FOXP1: variants seen among roughly 807,000 people sequenced by gnomAD.
FOXP1 encodes forkhead box protein P1.
Under a neutral mutation model 98.2 loss-of-function variants are expected in FOXP1, and 15 were observed. That is an observed-to-expected ratio of 0.15 (90% CI 0.10 to 0.24). The LOEUF is 0.24. FOXP1 is among the 10% of genes least tolerant of loss of function. The probability of loss-of-function intolerance (pLI) is 1.00; values close to 1 mark genes in which losing one functional copy is unlikely to be tolerated. For synonymous variants in FOXP1, 371 were observed against 314.5 expected (o/e 1.18, Z -1.90); for missense variants, 633 against 848.5 (o/e 0.75, Z 3.15).
intron 1 of FOXP1, 170 bp from the exon 2 acceptor site, chr3:71,581,867 G>C (rs1002883037): frequency 1.0e-6 from 1 of 985,616 alleles, no homozygotes; most frequent in Non-Finnish European, 1.2e-6. Context: ...GCGGCTCAGG[G>C]AATCCCTGCA....
chr3:71,505,716 C>T (rs1284587838), intron 2 of FOXP1, among the ~76,000 whole-genome samples: 2 of 152,086 alleles, frequency 1.3e-5, no homozygotes, highest in Admixed American at 6.5e-5. Flanking sequence ...TGAGCCACTG[C>T]GCCCAGCCCT....
chr3:71,046,851 A>AC, intron 10 of FOXP1, 91 bp downstream of exon 10: 1 of 1,404,654 alleles, frequency 7.1e-7, no homozygotes, highest in Non-Finnish European at 1.0e-6. Context: ...GTTTTGATGG[A>AC]CAATGTCCTT....
chr3:71,234,086 GGA>G (rs2066569768), intron 5 of FOXP1, among the ~76,000 whole-genome samples: 1 of 151,954 alleles, frequency 6.6e-6, no homozygotes, highest in African/African-American at 2.4e-5. Flanking sequence ...GCCCATTTGG[GGA>G]GATGGAGGCA....
chr3:71,328,306 A>G (rs946934773), intron 4 of FOXP1, among the ~76,000 whole-genome samples: 2 of 152,168 alleles, frequency 1.3e-5, no homozygotes, highest in Non-Finnish European at 2.9e-5. Context: ...TAAAAAAAAG[A>G]AGAATTTGGC....
At chr3:71,227,153 T>C (rs2065907238) in intron 5 of FOXP1, among the ~76,000 whole-genome samples, 1 of 152,140 alleles carries the variant, frequency 6.6e-6, no homozygotes, top group Non-Finnish European at 1.5e-5. Flanking sequence ...CCTGCTCTTG[T>C]CTAAGTCTGC....
rs965860487 is a variant in FOXP1 at position 70,965,373 on chromosome 3, TATTA to T, written c.1889+513_1889+516del. Among the ~76,000 whole-genome samples, 9 of 152,240 alleles carry T rather than the reference TATTA, an allele frequency of 5.9e-5. No individual in the cohort carries two copies. In the South Asian group the frequency reaches 1.2e-3, roughly 21 times the overall value. On this transcript the variant is annotated intron_variant, in intron 20 of 20. Coordinates refer to ENST00000649528, the MANE Select transcript of FOXP1 (RefSeq NM_001349338.3). ...CTGCCGTCTGCTGCTATAATGCTCC[TATTA>T]ATTTTCCTTTTGATATTTTAAGAGC...
chr3:71,222,457 C>T (rs1346101092), intron 5 of FOXP1, among the ~76,000 whole-genome samples: 3 of 152,120 alleles, frequency 2.0e-5, no homozygotes, highest in East Asian at 1.9e-4. Flanking sequence ...CTCGCTCTGT[C>T]GCCCAGGCTG....
At chr3:71,423,787 C>T (rs548003190) in intron 3 of FOXP1, among the ~76,000 whole-genome samples, 4 of 152,292 alleles carry the variant, frequency 2.6e-5, no homozygotes, top group African/African-American at 9.6e-5. Flanking sequence ...TATGCTCCCC[C>T]GCCGCCCCGC....
chr3:71,230,334 T>C (rs751781863), intron 5 of FOXP1, among the ~76,000 whole-genome samples: 3 of 152,208 alleles, frequency 2.0e-5, no homozygotes, highest in Non-Finnish European at 4.4e-5. Context: ...GTGGTGCTCC[T>C]GACTTCTGGT....
intron 13 of FOXP1, among the ~76,000 whole-genome samples, chr3:70,998,465 G>A (rs756718813): frequency 1.3e-5 from 2 of 152,114 alleles, no homozygotes; most frequent in Non-Finnish European, 2.9e-5. Flanking sequence ...TGCTCTCAAC[G>A]AGGTCTATGT....
Position 71,124,908 on chromosome 3 carries a change from T to C in FOXP1, c.181-12271A>G, listed in dbSNP as rs545327547. Among the ~76,000 whole-genome samples the C allele has an allele frequency of 2.6e-5, 4 of 152,336 alleles. No individual in the cohort carries two copies. The South Asian group carries it at 6.2e-4, about 24-fold the overall frequency. On this transcript the variant is annotated intron_variant, in intron 6 of 20. Coordinates refer to ENST00000649528, the MANE Select transcript of FOXP1 (RefSeq NM_001349338.3). ...CTCTTTACAGAAACACTAAGAAAAG[T>C]TGCAGCATCCTCTCTTGAACCCAAA...
At chr3:71,010,719 T>C (rs1231305360) in intron 12 of FOXP1, among the ~76,000 whole-genome samples, 5 of 152,226 alleles carry the variant, frequency 3.3e-5, no homozygotes, top group Admixed American at 6.5e-5. Context: ...AAGAGAAGCG[T>C]AGACTAGAGA....
At chr3:71,323,465 G>T (rs1298419246) in intron 4 of FOXP1, among the ~76,000 whole-genome samples, 1 of 151,998 alleles carries the variant, frequency 6.6e-6, no homozygotes, top group African/African-American at 2.4e-5. Context: ...ACAAAACCAA[G>T]AATATGAGCA....
intron 2 of FOXP1, among the ~76,000 whole-genome samples, chr3:71,560,202 A>G (rs1007678590): frequency 6.6e-6 from 1 of 152,126 alleles, no homozygotes. Flanking sequence ...GTGCTCCATA[A>G]TGTTTTCGCA....
At chr3:71,108,851 C>CCTT (rs1365455368) in intron 7 of FOXP1, among the ~76,000 whole-genome samples, 1 of 152,166 alleles carries the variant, frequency 6.6e-6, no homozygotes, top group Non-Finnish European at 1.5e-5. Context: ...TCATAAGCCT[C>CCTT]CTGAAGGCAG....
At chr3:71,114,074 T>A (rs1409912634) in intron 6 of FOXP1, among the ~76,000 whole-genome samples, 2 of 152,200 alleles carry the variant, frequency 1.3e-5, no homozygotes, top group East Asian at 3.8e-4. Flanking sequence ...AATTTCTATA[T>A]GGTAACCAAA....
chr3:71,248,740 C>CAA (rs34053081), intron 5 of FOXP1, among the ~76,000 whole-genome samples: 3 of 138,510 alleles, frequency 2.2e-5, no homozygotes, highest in African/African-American at 5.3e-5. Flanking sequence ...GACGTCATCT[C>CAA]AAAAAAAAAA....
intron 3 of FOXP1, among the ~76,000 whole-genome samples, chr3:71,364,256 A>G (rs1237147517): frequency 6.6e-6 from 1 of 152,178 alleles, no homozygotes; most frequent in Admixed American, 6.5e-5. Flanking sequence ...AGCTCTGTCA[A>G]TTTGGAACAT....
intron 6 of FOXP1, among the ~76,000 whole-genome samples, chr3:71,163,623 T>C (rs2108159579): frequency 6.6e-6 from 1 of 152,246 alleles, no homozygotes; most frequent in Non-Finnish European, 1.5e-5. Context: ...ATGTTGAAAC[T>C]TGTCAACTCG....
Sources: allele counts gnomAD v4.1 joint callset (sites outside exome capture counted in the v4.1 genomes callset), GRCh38; gene constraint gnomAD v4.1.1; transcripts MANE v1.5; gene names NCBI Gene and HGNC (gene_info 2026-07-23, HGNC 2026-07-21).